RABEP1: variants seen among roughly 807,000 people sequenced by gnomAD.
The protein encoded by RABEP1 is rab GTPase-binding effector protein 1.
Under a neutral mutation model 123.4 loss-of-function variants are expected in RABEP1, and 51 were observed. That is an observed-to-expected ratio of 0.41 (90% confidence interval 0.33 to 0.52). The LOEUF is 0.52. Ranked by LOEUF, RABEP1 falls within the 20% of genes least tolerant of loss-of-function variation. RABEP1 has a pLI of 0.16. For missense variants in RABEP1, 888 were observed against 996.3 expected, an observed-to-expected ratio of 0.89 and a Z score of 1.46; for synonymous variants, 347 against 355.2, an observed-to-expected ratio of 0.98 and a Z score of 0.26.
rs1420326617 is a variant in RABEP1, at chr17:5,385,646, C to T, written c.*2423C>T. 4.3e-6 allele frequency: 1 copy of T among 231,406 alleles called. No individual in the cohort carries two copies. Among genetic ancestry groups the T allele is most frequent in the Admixed American group, 5.6e-5 (1 of 17,708 alleles). 14.3% of individuals were successfully genotyped at this position (231,406 alleles called of 1,614,324 possible). On this transcript the variant is annotated 3_prime_UTR_variant, in exon 18 of 18. Coordinates refer to ENST00000537505, the MANE Select transcript of RABEP1 (RefSeq NM_004703.6). Reference sequence around the variant, plus strand: ...ACGTAGAGCACAGCCTCACTCAGCTCTGAAAGGTAATACAGCTTGTGAGGA... The same window carrying T: ...ACGTAGAGCACAGCCTCACTCAGCTTTGAAAGGTAATACAGCTTGTGAGGA...
chr17:5,377,989 T>G (rs951902753), intron 14 of RABEP1, among the ~76,000 whole-genome samples, 188 bp from the exon 15 acceptor site: 1 of 152,136 alleles, frequency 6.6e-6, no homozygotes, highest in Non-Finnish European at 1.5e-5. Flanking sequence ...CAGTGTCCAT[T>G]TGCATGGATC....
chr17:5,302,244 A>ATTTTTTTTTTTTTTTTTTTT (rs57770310), intron 1 of RABEP1, among the ~76,000 whole-genome samples: 4 of 118,402 alleles, frequency 3.4e-5, no homozygotes, highest in African/African-American at 1.1e-4. Flanking sequence ...TACTGAAAAC[A>ATTTTTTTTTTTTTTTTTTTT]TTTTTTTTTT....
chr17:5,351,522 A>G (rs902970710), intron 7 of RABEP1, among the ~76,000 whole-genome samples: 2 of 152,148 alleles, frequency 1.3e-5, no homozygotes, highest in Non-Finnish European at 1.5e-5. Flanking sequence ...TAGGCAGGGC[A>G]TGGTAGCTTA....
At chr17:5,381,874 G>A (rs186168666) in intron 17 of RABEP1, among the ~76,000 whole-genome samples, 5 of 152,182 alleles carry the variant, frequency 3.3e-5, no homozygotes, top group Admixed American at 2.6e-4. Context: ...TGTCTGGTAA[G>A]CATCCTCATC....
At chr17:5,373,181 A>G (rs1910660677) in intron 12 of RABEP1, 133 bp from the exon 13 acceptor site, 1 of 693,248 alleles carries the variant, frequency 1.4e-6, no homozygotes, top group Admixed American at 3.6e-5. Flanking sequence ...AGCTTTTTCT[A>G]AGTCTAGCAG....
intron 9 of RABEP1, among the ~76,000 whole-genome samples, chr17:5,362,295 G>A (rs1246092815): frequency 6.6e-6 from 1 of 152,134 alleles, no homozygotes; most frequent in African/African-American, 2.4e-5. Flanking sequence ...GAGGCAAGTG[G>A]GGCATGGTTA....
Position 5,362,918 on chromosome 17 carries a change from A to T in RABEP1, c.1570A>T (p.Asn524Tyr). The change falls in exon 10 of 18, where the codon AAT (asparagine) becomes TAT (tyrosine). Residue 524 changes from asparagine to tyrosine, a missense_variant. Physicochemically the swap from Asn to Tyr is moderately radical, Grantham distance 143. Transcript: ENST00000537505. ...EWNLLQKEVHNAGNKLGRRCD... is the reference protein window; with the variant it reads ...EWNLLQKEVHYAGNKLGRRCD... ...TAATTTTGGTGCCCTTCAGGTACAT[A>T]ATGCTGGAAATAAACTTGGTAGACG... 1 of 1,612,024 alleles carries T rather than the reference A, an allele frequency of 6.2e-7. No homozygotes were observed. Among genetic ancestry groups the T allele is most frequent in the Non-Finnish European group, 8.5e-7 (1 of 1,178,062 alleles).
intron 12 of RABEP1, among the ~76,000 whole-genome samples, chr17:5,370,766 C>T (rs1025168280): frequency 3.3e-5 from 5 of 152,044 alleles, no homozygotes; most frequent in Non-Finnish European, 7.4e-5. Context: ...AAGGTGGGGA[C>T]AAAATAGTTT....
intron 4 of RABEP1, chr17:5,336,750 G>A (rs1907130048): frequency 8.9e-6 from 2 of 224,138 alleles, no homozygotes. Flanking sequence ...ACCTTTATAA[G>A]CATCCTAAAC....
At chr17:5,346,365 C>A (rs920734608) in intron 5 of RABEP1, among the ~76,000 whole-genome samples, 9 of 152,252 alleles carry the variant, frequency 5.9e-5, no homozygotes, top group African/African-American at 2.2e-4. Context: ...AATTCCCTCA[C>A]CAGAAGTAAA....
intron 5 of RABEP1, 79 bp downstream of exon 5, chr17:5,338,217 A>AG (rs754720720): frequency 6.9e-6 from 10 of 1,445,618 alleles, no homozygotes; most frequent in African/African-American, 1.4e-5. Context: ...AATCAGTAAT[A>AG]GGGAAAAAAA....
intron 2 of RABEP1, among the ~76,000 whole-genome samples, chr17:5,318,923 A>G (rs1453202069): frequency 9.2e-5 from 14 of 152,206 alleles, no homozygotes; most frequent in Non-Finnish European, 1.5e-5. Context: ...TGTGTAACTT[A>G]CCATATTTGA....
intron 1 of RABEP1, among the ~76,000 whole-genome samples, chr17:5,297,170 G>A (rs961052979): frequency 7.2e-5 from 11 of 151,968 alleles, no homozygotes; most frequent in African/African-American, 2.4e-4. Flanking sequence ...TAAATTCTTG[G>A]TGGTGAAATT....
At chr17:5,366,698 G>A (rs1473505607) in intron 11 of RABEP1, among the ~76,000 whole-genome samples, 2 of 151,614 alleles carry the variant, frequency 1.3e-5, no homozygotes, top group African/African-American at 2.4e-5. Flanking sequence ...CACTTGCCTC[G>A]GCCTCCCAAA....
At chr17:5,305,947 A>G (rs1402951757) in intron 1 of RABEP1, among the ~76,000 whole-genome samples, 2 of 152,138 alleles carry the variant, frequency 1.3e-5, no homozygotes, top group Non-Finnish European at 2.9e-5. Flanking sequence ...ACCATTAGTG[A>G]CATGGAACTC....
chr17:5,362,540 C>G (rs1215302572), intron 9 of RABEP1, among the ~76,000 whole-genome samples: 2 of 152,206 alleles, frequency 1.3e-5, no homozygotes, highest in Admixed American at 6.5e-5. Flanking sequence ...AGTTTGGTAC[C>G]TATTTTATAA....
At chr17:5,301,725 C>A (rs1220083102) in intron 1 of RABEP1, among the ~76,000 whole-genome samples, 1 of 151,764 alleles carries the variant, frequency 6.6e-6, no homozygotes, top group Admixed American at 6.6e-5. Flanking sequence ...ACCAAGATTT[C>A]AGGTGATATA....
intron 1 of RABEP1, among the ~76,000 whole-genome samples, chr17:5,308,228 CTT>C (rs34390571): frequency 3.6e-5 from 5 of 140,154 alleles, no homozygotes; most frequent in Admixed American, 7.1e-5. Context: ...ATACAAGGAT[CTT>C]TTTTTTTTTT....
At position 5,380,501 on chromosome 17, in the gene RABEP1, G is replaced by A. The variant is rs1029045925; in HGVS notation, c.2370+39G>A. 2.1e-6 allele frequency: 3 copies of A among 1,402,620 alleles called. No individual in the cohort carries two copies. The African/African-American group carries it at 4.3e-5, about 20-fold the overall frequency. The allele number at this position is 1,402,620 out of a possible 1,614,324, so 86.9% of individuals were successfully genotyped here. A position where few individuals can be genotyped will look rare whatever the true frequency, so the allele number is the denominator to read the frequency against. On this transcript the variant is annotated intron_variant, in intron 16 of 17. Coordinates refer to ENST00000537505, the MANE Select transcript of RABEP1 (RefSeq NM_004703.6). The stretch of plus-strand genomic sequence containing the variant: ...TAGTCATTTAATTTTAAAAAGCAGG[G>A]CTAAGAATGCAGGATCACATCTTGC...
Sources: gnomAD v4.1 joint callset for allele counts (sites outside exome capture counted in the v4.1 genomes callset) on GRCh38, gnomAD v4.1.1 for gene constraint, MANE v1.5 for transcripts, NCBI Gene and HGNC (gene_info 2026-07-23, HGNC 2026-07-21) for gene names.